The following AGBL4 variants were observed in gnomAD, a reference collection of about 807,000 sequenced individuals.
AGBL4 encodes AGBL carboxypeptidase 4.
In AGBL4, 58 loss-of-function variants were observed where a neutral mutation model predicts 66.4. The ratio of observed to expected loss-of-function variants is 0.87; its 90% CI spans 0.71 to 1.09. The LOEUF (loss-of-function observed/expected upper bound fraction) is 1.09, where lower values mean the gene tolerates loss of function less well. Ranked by LOEUF, AGBL4 falls within the 50% of genes least tolerant of loss-of-function variation. AGBL4 has a pLI of 0.00. For synonymous variants in AGBL4, 234 were observed against 222.9 expected, an observed-to-expected ratio of 1.05 and a Z score of -0.44; for missense variants, 579 against 631.0, an observed-to-expected ratio of 0.92 and a Z score of 0.88.
At chr1:48,856,551 C>T (rs1425865968) in intron 6 of AGBL4, among the ~76,000 whole-genome samples, 2 of 152,008 alleles carry the variant, frequency 1.3e-5, no homozygotes, top group African/African-American at 4.8e-5. Flanking sequence ...CTGAAAATGG[C>T]CATAAGGCAG....
At chr1:49,980,612 A>G (rs527598551) in intron 1 of AGBL4, among the ~76,000 whole-genome samples, 1 of 152,222 alleles carries the variant, frequency 6.6e-6, no homozygotes, top group African/African-American at 2.4e-5. Flanking sequence ...TTCCTTTCTA[A>G]GACTGAGTAA....
chr1:48,544,469 A>G (rs889012164), intron 11 of AGBL4, among the ~76,000 whole-genome samples: 2 of 152,190 alleles, frequency 1.3e-5, no homozygotes, highest in African/African-American at 2.4e-5. Context: ...GCCTGCAACA[A>G]TATCTCCAAT....
chr1:49,286,450 T>C lies in AGBL4; in HGVS notation c.283-40586A>G, dbSNP rs911977695. On this transcript the variant is annotated intron_variant, in intron 3 of 13. Coordinates refer to ENST00000371839, the MANE Select transcript of AGBL4 (RefSeq NM_032785.4). ...CCTGTTTGCAGATGACATGATTGTA[T>C]ATCTAGAAAACCCCATTGGCTCAGA... 7.9e-5 allele frequency among the ~76,000 whole-genome samples: 12 copies of C among 152,282 alleles called. No individual in the cohort carries two copies. In the East Asian group the frequency reaches 1.2e-3, roughly 15 times the overall value.
chr1:48,719,247 C>T (rs550539503), intron 6 of AGBL4, among the ~76,000 whole-genome samples: 1 of 152,254 alleles, frequency 6.6e-6, no homozygotes, highest in Non-Finnish European at 1.5e-5. Flanking sequence ...CTGAGTGGTT[C>T]CAGGGTCCAG....
At chr1:49,739,520 G>C (rs1650228943) in intron 2 of AGBL4, among the ~76,000 whole-genome samples, 1 of 152,072 alleles carries the variant, frequency 6.6e-6, no homozygotes, top group Non-Finnish European at 1.5e-5. Flanking sequence ...ATCTAGCAAG[G>C]CAGGCCAACA....
intron 3 of AGBL4, among the ~76,000 whole-genome samples, chr1:49,665,967 T>C (rs1646357858): frequency 6.6e-6 from 1 of 151,356 alleles, no homozygotes; most frequent in Non-Finnish European, 1.5e-5. Flanking sequence ...ACTAAATCTT[T>C]TTTAAATTTT....
intron 3 of AGBL4, among the ~76,000 whole-genome samples, chr1:49,315,226 C>G (rs1313249059): frequency 6.6e-6 from 1 of 152,128 alleles, no homozygotes; most frequent in East Asian, 1.9e-4. Context: ...TTCCTTACAC[C>G]TTATACAAAA....
intron 2 of AGBL4, among the ~76,000 whole-genome samples, chr1:49,701,582 G>GA: frequency 6.6e-6 from 1 of 151,644 alleles, no homozygotes; most frequent in Non-Finnish European, 1.5e-5. Flanking sequence ...GGGGGAAAAG[G>GA]AAAAAAGAGC....
At chr1:49,002,159 A>T (rs1661439137) in intron 5 of AGBL4, among the ~76,000 whole-genome samples, 1 of 152,238 alleles carries the variant, frequency 6.6e-6, no homozygotes, top group Non-Finnish European at 1.5e-5. Context: ...AAATAGATGT[A>T]TAAGCAGCAT....
chr1:49,473,218 A>C (rs1160536375), intron 3 of AGBL4, among the ~76,000 whole-genome samples: 6 of 152,136 alleles, frequency 3.9e-5, no homozygotes, highest in African/African-American at 1.4e-4. Context: ...AGAAATCTCC[A>C]AACTGCTTCC....
At chr1:48,751,028 T>C (rs1266858699) in intron 6 of AGBL4, among the ~76,000 whole-genome samples, 1 of 152,232 alleles carries the variant, frequency 6.6e-6, no homozygotes, top group Non-Finnish European at 1.5e-5. Flanking sequence ...TGCTTCATGA[T>C]ATAGCATTCA....
At chr1:49,995,479 G>A in intron 1 of AGBL4, 1 of 353,676 alleles carries the variant, frequency 2.8e-6, no homozygotes, top group Non-Finnish European at 5.6e-6. Flanking sequence ...ATACCCCACA[G>A]GGGCTGAAGC....
At chr1:49,151,885 T>G (rs978179523) in intron 4 of AGBL4, among the ~76,000 whole-genome samples, 1 of 152,108 alleles carries the variant, frequency 6.6e-6, no homozygotes, top group Admixed American at 6.6e-5. Context: ...TCCCAGAACA[T>G]TTTTGGAAAT....
chr1:48,775,111 C>G (rs1044561025), intron 6 of AGBL4, among the ~76,000 whole-genome samples: 3 of 152,170 alleles, frequency 2.0e-5, no homozygotes, highest in Non-Finnish European at 4.4e-5. Flanking sequence ...ACCTAATCAG[C>G]TATGAATGGT....
chr1:48,760,370 A>G (rs931556865), intron 6 of AGBL4, among the ~76,000 whole-genome samples: 15 of 152,180 alleles, frequency 9.9e-5, no homozygotes, highest in African/African-American at 3.6e-4. Flanking sequence ...AGGCAGTTCT[A>G]AGTTTCAGGA....
intron 1 of AGBL4, among the ~76,000 whole-genome samples, chr1:49,858,258 C>T (rs1417522956): frequency 6.6e-6 from 1 of 151,902 alleles, no homozygotes; most frequent in African/African-American, 2.4e-5. Context: ...TTCTTGTATA[C>T]CATTACAAGA....
chr1:49,755,775 CT>C (rs1431817813), intron 2 of AGBL4, among the ~76,000 whole-genome samples: 11 of 152,196 alleles, frequency 7.2e-5, no homozygotes, highest in African/African-American at 2.4e-4. Context: ...TGCCACGCTG[CT>C]TTTAGGCAAC....
At chr1:49,454,412 A>G (rs1010105552) in intron 3 of AGBL4, among the ~76,000 whole-genome samples, 3 of 151,708 alleles carry the variant, frequency 2.0e-5, no homozygotes, top group African/African-American at 7.3e-5. Context: ...GGATTTCCCT[A>G]TAATTGAAGA....
At chr1:48,806,107 T>C (rs999748718) in intron 6 of AGBL4, among the ~76,000 whole-genome samples, 32 of 152,290 alleles carry the variant, frequency 2.1e-4, no homozygotes, top group African/African-American at 7.2e-4. Context: ...TCAGCAAGGA[T>C]GGAAAGGTAT....
Sources: gnomAD v4.1 joint callset for allele counts (sites outside exome capture counted in the v4.1 genomes callset) on GRCh38, gnomAD v4.1.1 for gene constraint, MANE v1.5 for transcripts, NCBI Gene and HGNC (gene_info 2026-07-23, HGNC 2026-07-21) for gene names.